Variants in RPS6KC1 observed in about 807,000 individuals in gnomAD.
RPS6KC1 encodes inactive ribosomal protein S6 kinase delta-1.
Under a neutral mutation model 103.8 loss-of-function variants are expected in RPS6KC1, and 54 were observed. The ratio of observed to expected loss-of-function variants is 0.52; its 90% CI spans 0.42 to 0.65. The LOEUF is 0.65. Among genes scored for constraint, RPS6KC1 ranks in the 30% least tolerant of loss-of-function variants. The probability of loss-of-function intolerance (pLI) is 0.00; values close to 1 mark genes in which losing one functional copy is unlikely to be tolerated. For missense variants in RPS6KC1, 1,151 were observed against 1,253.8 expected, an observed-to-expected ratio of 0.92 and a Z score of 1.24; for synonymous variants, 439 against 438.7, an observed-to-expected ratio of 1.00 and a Z score of -0.01.
the RPS6KC1 span, among the ~76,000 whole-genome samples, chr1:213,660,784 G>T: frequency 6.6e-6 from 1 of 152,140 alleles, no homozygotes; most frequent in Admixed American, 6.5e-5. Flanking sequence ...TGCAGAAAAA[G>T]CACCATTCTC....
At chr1:213,455,267 G>A in the RPS6KC1 span, among the ~76,000 whole-genome samples, 5 of 152,108 alleles carry the variant, frequency 3.3e-5, no homozygotes, top group East Asian at 9.7e-4. Flanking sequence ...GAATGGCGGT[G>A]GATCGTAACC....
intron 1 of RPS6KC1, among the ~76,000 whole-genome samples, chr1:213,056,268 T>C (rs912463011): frequency 6.6e-6 from 1 of 152,126 alleles, no homozygotes; most frequent in Non-Finnish European, 1.5e-5. Context: ...ACATTTTCAA[T>C]GAGGAAATTG....
chr1:213,126,962 G>A (rs921297540), intron 5 of RPS6KC1, among the ~76,000 whole-genome samples: 4 of 152,100 alleles, frequency 2.6e-5, no homozygotes, highest in African/African-American at 9.7e-5. Flanking sequence ...TTTTGATTTA[G>A]TATATAATCC....
Position 213,271,657 on chromosome 1 carries a change from G to A in RPS6KC1, c.3091-867G>A, listed in dbSNP as rs184422724. ...CGCGCGCCTGTAGTCCCAGCTACAC[G>A]GGAGGCTGAGGCAGGAGAATGACGT... On this transcript the variant is annotated intron_variant, in intron 14 of 14. Transcript: ENST00000366960. Among the ~76,000 whole-genome samples the A allele has an allele frequency of 2.8e-3, 422 of 151,930 alleles. 3 individuals are homozygous for A. The highest frequency in any genetic ancestry group is 9.6e-3 in the African/African-American group (398 of 41,446).
At chr1:213,432,377 T>A in the RPS6KC1 span, among the ~76,000 whole-genome samples, 1 of 152,244 alleles carries the variant, frequency 6.6e-6, no homozygotes, top group Non-Finnish European at 1.5e-5. Flanking sequence ...ATTATAAATA[T>A]ATTCTCTTAT....
rs571945578 is a variant in RPS6KC1 at position 213,262,892 on chromosome 1, A to C, written c.3090+76A>C. Reference sequence around the variant, plus strand: ...AGCCCACAACTCCAAAACCTTAAAAAGAGATTAGTTTGGAGCAAGAAAAAC... The same window carrying C: ...AGCCCACAACTCCAAAACCTTAAAACGAGATTAGTTTGGAGCAAGAAAAAC... On this transcript the variant is annotated intron_variant, in intron 14 of 14. Coordinates refer to ENST00000366960, the MANE Select transcript of RPS6KC1 (RefSeq NM_012424.6). 82 of 884,944 alleles carry C rather than the reference A, an allele frequency of 9.3e-5. No homozygotes were observed. The African/African-American group carries it at 1.2e-3, about 13-fold the overall frequency. The allele number at this position is 884,944 out of a possible 1,614,324, so 54.8% of individuals were successfully genotyped here.
chr1:213,291,959 A>G, the RPS6KC1 span, among the ~76,000 whole-genome samples: 1 of 152,114 alleles, frequency 6.6e-6, no homozygotes, highest in Non-Finnish European at 1.5e-5. Context: ...TCAGCTTTCT[A>G]CATATGGCTA....
chr1:213,633,783 G>T, the RPS6KC1 span, among the ~76,000 whole-genome samples: 1 of 145,288 alleles, frequency 6.9e-6, no homozygotes. Flanking sequence ...ACCCATCAGT[G>T]TGCTGTATTC....
At chr1:213,299,728 T>C in the RPS6KC1 span, among the ~76,000 whole-genome samples, 1 of 152,194 alleles carries the variant, frequency 6.6e-6, no homozygotes, top group Non-Finnish European at 1.5e-5. Flanking sequence ...TTCACATTCT[T>C]TTCTCATACT....
Position 213,241,265 on chromosome 1 carries a change from C to T in RPS6KC1, c.1789C>T (p.Pro597Ser), listed in dbSNP as rs1273848728. Residue 597 changes from proline (P) to serine (S), a missense_variant, in exon 11 of 15, where the codon CCC becomes TCC. Pro to Ser is a moderately conservative substitution (Grantham distance 74, BLOSUM62 -1). This residue lies in a region of RPS6KC1 where 959 missense variants were observed against 1,006.3 expected (regional missense o/e 0.95). Coordinates refer to ENST00000366960, the MANE Select transcript of RPS6KC1 (RefSeq NM_012424.6). ...SDSLSRSKNS[P>S]MEFFRIDSKD... ...TTCCCTCAGTAGATCAAAAAATAGCCCCATGGAATTCTTTAGGATAGACAG... is the reference window on the plus strand; with the variant it reads ...TTCCCTCAGTAGATCAAAAAATAGCTCCATGGAATTCTTTAGGATAGACAG... The T allele has an allele frequency of 6.2e-7, 1 of 1,613,738 alleles. No individual in the cohort carries two copies. Among genetic ancestry groups the T allele is most frequent in the Non-Finnish European group, 8.5e-7 (1 of 1,179,924 alleles).
At chr1:213,805,517 T>A in the RPS6KC1 span, among the ~76,000 whole-genome samples, 1 of 152,242 alleles carries the variant, frequency 6.6e-6, no homozygotes, top group Non-Finnish European at 1.5e-5. Flanking sequence ...TCCATTCAAA[T>A]TTTATTGTGA....
At chr1:213,413,999 T>A in the RPS6KC1 span, among the ~76,000 whole-genome samples, 2 of 152,162 alleles carry the variant, frequency 1.3e-5, no homozygotes, top group African/African-American at 2.4e-5. Context: ...CTGTCCTCTG[T>A]GGTTGACCTT....
the RPS6KC1 span, among the ~76,000 whole-genome samples, chr1:213,487,613 A>AG: frequency 6.6e-6 from 1 of 152,120 alleles, no homozygotes; most frequent in Admixed American, 6.5e-5. Flanking sequence ...GAGCCCTTAC[A>AG]GGGGGGCATA....
chr1:213,102,031 G>A (rs2082062462), intron 3 of RPS6KC1, among the ~76,000 whole-genome samples: 1 of 152,094 alleles, frequency 6.6e-6, no homozygotes, highest in African/African-American at 2.4e-5. Flanking sequence ...TTTAGATTTG[G>A]TATTGTTATT....
chr1:213,538,926 T>C, the RPS6KC1 span, among the ~76,000 whole-genome samples: 1 of 152,216 alleles, frequency 6.6e-6, no homozygotes, highest in Non-Finnish European at 1.5e-5. Context: ...ATTTCATCTA[T>C]ACCACAAGTC....
At chr1:213,255,690 G>C (rs918596702) in intron 12 of RPS6KC1, among the ~76,000 whole-genome samples, 2 of 152,278 alleles carry the variant, frequency 1.3e-5, no homozygotes, top group South Asian at 4.2e-4. Context: ...TGATATTTAA[G>C]GATGTTAAAA....
chr1:213,127,805 T>A (rs2085148727), intron 5 of RPS6KC1, among the ~76,000 whole-genome samples: 1 of 152,210 alleles, frequency 6.6e-6, no homozygotes, highest in Non-Finnish European at 1.5e-5. Flanking sequence ...TGTTGACATA[T>A]GATTTTTTGG....
At chr1:213,459,325 T>A in the RPS6KC1 span, among the ~76,000 whole-genome samples, 2 of 152,170 alleles carry the variant, frequency 1.3e-5, no homozygotes, top group African/African-American at 2.4e-5. Flanking sequence ...TCTTCCTGGT[T>A]TAGTCTTGGG....
intron 6 of RPS6KC1, among the ~76,000 whole-genome samples, chr1:213,144,498 C>T (rs1030996680): frequency 1.1e-4 from 16 of 152,000 alleles, no homozygotes; most frequent in African/African-American, 3.4e-4. Flanking sequence ...AGAAGTACTC[C>T]AGCCCCAGCC....
Sources: gnomAD v4.1 joint callset for allele counts (sites outside exome capture counted in the v4.1 genomes callset) on GRCh38, gnomAD v4.1.1 for gene constraint, gnomAD v4.1.1 regional missense constraint, MANE v1.5 for transcripts, NCBI Gene and HGNC (gene_info 2026-07-23, HGNC 2026-07-21) for gene names.